VIL1: variants seen among roughly 807,000 people sequenced by gnomAD.
The protein encoded by VIL1 is villin-1.
VIL1 carries 86 observed loss-of-function variants against 104.0 expected under a neutral mutation model. The observed-to-expected ratio is 0.83, with a 90% CI of 0.69 to 0.99. VIL1 has a LOEUF of 0.99. Among genes scored for constraint, VIL1 ranks in the 50% least tolerant of loss-of-function variants. The probability of loss-of-function intolerance (pLI) is 0.00; values close to 1 mark genes in which losing one functional copy is unlikely to be tolerated. For synonymous variants in VIL1, 394 were observed against 412.6 expected, an observed-to-expected ratio of 0.95 and a Z score of 0.55; for missense variants, 944 against 1,054.1, an observed-to-expected ratio of 0.90 and a Z score of 1.45.
rs1344123769 is a variant in VIL1 at position 218,451,071 on chromosome 2, TA to T, written c.*1736del. 2 of 152,192 alleles carry T rather than the reference TA, an allele frequency of 1.3e-5. No homozygotes were observed. The highest frequency in any genetic ancestry group is 2.4e-5 in the African/African-American group (1 of 41,442). The allele number at this position is 152,192 out of a possible 1,614,324, so 9.4% of individuals were successfully genotyped here. The stretch of plus-strand genomic sequence containing the variant: ...TTAGAATTTTCCAATAAAAAATATA[TA>T]TTTTTTCAGATGTTAATAAGACATA... On this transcript the variant is annotated 3_prime_UTR_variant, in exon 20 of 20. Coordinates refer to ENST00000248444, the MANE Select transcript of VIL1 (RefSeq NM_007127.3).
chr2:218,420,579 T>C (rs79648183), intron 1 of VIL1, among the ~76,000 whole-genome samples: 179 of 1,602 alleles, frequency 0.11, 1 homozygote, highest in Non-Finnish European at 0.33. Context: ...TGAGTATTTG[T>C]TTTTTTTTTT....
chr2:218,435,247 T>C (rs1689168418), intron 14 of VIL1, 42 bp from the exon 15 acceptor site: 2 of 1,599,432 alleles, frequency 1.3e-6, no homozygotes, highest in Admixed American at 1.7e-5. Context: ...AGGGTGGAGG[T>C]AGGGGTGGCA....
rs776267848 is a variant in VIL1 at position 218,423,807 on chromosome 2, G to T, written c.29G>T (p.Gly10Val). Residue 10 changes from glycine (G) to valine (V), a missense_variant, in exon 2 of 20, where the codon GGC (glycine) becomes GTC (valine). Gly to Val is a moderately radical substitution (Grantham distance 109). Transcript: ENST00000248444. ...ACCAAGCTGAGCGCCCAAGTCAAAG[G>T]CTCTCTCAACATCACCACCCCGGGG... is the stretch of plus-strand genomic sequence containing the variant. MTKLSAQVK[G>V]SLNITTPGLQ... The T allele has an allele frequency of 1.9e-5, 30 of 1,613,990 alleles. No homozygotes were observed. The highest frequency in any genetic ancestry group is 1.8e-4 in the East Asian group (8 of 44,878).
rs1029171171 is a variant in VIL1, at chr2:218,436,684, A to G, written c.1971+58A>G. ...AGCCACCTCAATCCCCAGGGCCAAG[A>G]AAGAGTGGCTTTAAGGTTAGGTAAG... is the stretch of plus-strand genomic sequence containing the variant. On this transcript the variant is annotated intron_variant, in intron 16 of 19. Transcript: ENST00000248444. 4 of 1,577,352 alleles carry G rather than the reference A, an allele frequency of 2.5e-6. No homozygotes were observed. In the Admixed American group the frequency reaches 5.7e-5, roughly 22 times the overall value.
chr2:218,430,518 G>A (rs1020813976), intron 9 of VIL1, among the ~76,000 whole-genome samples: 15 of 152,088 alleles, frequency 9.9e-5, no homozygotes, highest in Non-Finnish European at 2.1e-4. Context: ...CCAGTGTTAG[G>A]TTTCAGGCGG....
chr2:218,435,162 T>A, intron 14 of VIL1, 127 bp from the exon 15 acceptor site: 3 of 1,248,518 alleles, frequency 2.4e-6, no homozygotes, highest in Non-Finnish European at 3.4e-6. Context: ...TGTCCCTGTG[T>A]GGCCTGTATA....
In VIL1 at chr2:218,432,102, C is replaced by A. The variant is rs1181270764; in HGVS notation, c.1260C>A (p.His420Gln). The A allele has an allele frequency of 2.5e-6, 4 of 1,614,022 alleles. No individual in the cohort carries two copies. The highest frequency in any genetic ancestry group is 2.5e-6 in the Non-Finnish European group (3 of 1,180,018). The change falls in exon 12 of 20, where the codon CAC (histidine) becomes CAA (glutamine). Residue 420 changes from histidine to glutamine, a missense_variant. His to Gln is a conservative substitution (Grantham distance 24). Transcript: ENST00000248444. ...CTGTGGATTCCAAGTGGCTAGGCCA[C>A]TTCTATGGGGGCGACTGCTACCTGC... ...LVPVDSKWLGHFYGGDCYLLL... is the reference protein window; with the variant it reads ...LVPVDSKWLGQFYGGDCYLLL...
intron 3 of VIL1, among the ~76,000 whole-genome samples, chr2:218,424,676 G>A (rs944759263): frequency 2.6e-5 from 4 of 151,750 alleles, no homozygotes; most frequent in African/African-American, 7.3e-5. Context: ...ATTTTTTTCC[G>A]GATGGAGTCT....
chr2:218,453,274 T>C lies in VIL1; in HGVS notation c.*3938T>C, dbSNP rs1559154783. On this transcript the variant is annotated 3_prime_UTR_variant, in exon 20 of 20. Coordinates refer to ENST00000248444, the MANE Select transcript of VIL1 (RefSeq NM_007127.3). ...TTTTTTTTGTTTTTGTTTTCGTTTT[T>C]TTTAATGAGATGGAGTCTCACTCTG... is the stretch of plus-strand genomic sequence containing the variant. The C allele has an allele frequency of 6.6e-6, 1 of 152,006 alleles. No homozygotes were observed. The highest frequency in any genetic ancestry group is 6.6e-5 in the Admixed American group (1 of 15,248). 9.4% of individuals were successfully genotyped at this position (152,006 alleles called of 1,614,324 possible).
At chr2:218,439,766 G>A (rs1689256054) in intron 18 of VIL1, among the ~76,000 whole-genome samples, 1 of 126,816 alleles carries the variant, frequency 7.9e-6, no homozygotes, top group Non-Finnish European at 1.5e-5. Context: ...GCAGTTAGCT[G>A]AAATTGTGCC....
At chr2:218,432,677 G>A (rs1383480416) in intron 12 of VIL1, 116 bp from the exon 13 acceptor site, 7 of 1,357,802 alleles carry the variant, frequency 5.2e-6, no homozygotes, top group Non-Finnish European at 7.1e-6. Flanking sequence ...TGGTGGGGAA[G>A]ACAATTGGGT....
In VIL1 at chr2:218,436,579, G is replaced by C; in HGVS notation, c.1924G>C (p.Asp642His). 6.2e-7 allele frequency: 1 copy of C among 1,614,068 alleles called. No homozygotes were observed. Among genetic ancestry groups the C allele is most frequent in the South Asian group, 1.1e-5 (1 of 91,068 alleles). Reference sequence around the variant, plus strand: ...CACAGAGATCCCTGACTTCAATCAGGATGACTTGGAAGAGGATGATGTGTT... The same window carrying C: ...CACAGAGATCCCTGACTTCAATCAGCATGACTTGGAAGAGGATGATGTGTT... ...LATEIPDFNQ[D>H]DLEEDDVFLL... Residue 642 changes from aspartate (D) to histidine (H), a missense_variant, in exon 16 of 20, where the codon GAT (aspartate) becomes CAT (histidine). Physicochemically the swap from Asp to His is moderately conservative, Grantham distance 81. Transcript: ENST00000248444.
Position 218,429,572 on chromosome 2 carries a change from T to C in VIL1, c.771-25T>C, listed in dbSNP as rs1284857352. ...CTGAGGGACTTGGGCCCCCTCCCCA[T>C]CTATGCCTTGCTTCTGTCCTGCAGT... On this transcript the variant is annotated intron_variant, in intron 7 of 19. Transcript: ENST00000248444. The C allele has an allele frequency of 3.7e-6, 6 of 1,613,962 alleles. No individual in the cohort carries two copies. In the East Asian group the frequency reaches 8.9e-5, roughly 24 times the overall value.
At chr2:218,439,418 ATGGACTACACTT>A (rs1444394821) in intron 18 of VIL1, among the ~76,000 whole-genome samples, 2 of 152,198 alleles carry the variant, frequency 1.3e-5, no homozygotes, top group Non-Finnish European at 2.9e-5. Context: ...TAGTTAGTCC[ATGGACTACACTT>A]TGAGAAATAA....
intron 9 of VIL1, 47 bp downstream of exon 9, chr2:218,429,994 G>A (rs1342779836): frequency 1.9e-6 from 3 of 1,542,122 alleles, no homozygotes; most frequent in Admixed American, 3.5e-5. Context: ...CAGAGTGATG[G>A]GAGGGAGAGA....
In VIL1 at chr2:218,425,465, T is replaced by C; in HGVS notation, c.151-150T>C. 3 of 674,520 alleles carry C rather than the reference T, an allele frequency of 4.4e-6. No individual in the cohort carries two copies. In the South Asian group the frequency reaches 5.7e-5, roughly 13 times the overall value. The allele number at this position is 674,520 out of a possible 1,614,324, so 41.8% of individuals were successfully genotyped here. A position where few individuals can be genotyped will look rare whatever the true frequency, so the allele number is the denominator to read the frequency against. On this transcript the variant is annotated intron_variant, in intron 3 of 19. Coordinates refer to ENST00000248444, the MANE Select transcript of VIL1 (RefSeq NM_007127.3). The stretch of plus-strand genomic sequence containing the variant: ...GAGAGTCAATGGTAGAGCTGGGCCA[T>C]GACTCAGGGCTCCTAACCGCCAGCC...
chr2:218,423,081 C>T (rs1254243873), intron 1 of VIL1, among the ~76,000 whole-genome samples: 4 of 152,098 alleles, frequency 2.6e-5, no homozygotes, highest in South Asian at 4.1e-4. Flanking sequence ...GCAGCAGGAG[C>T]GAATACAGCT....
At position 218,434,546 on chromosome 2, in the gene VIL1, C is replaced by T; in HGVS notation, c.1521C>T (p.Asn507=). 6.2e-7 allele frequency: 1 copy of T among 1,612,642 alleles called. No individual in the cohort carries two copies. Among genetic ancestry groups the T allele is most frequent in the African/African-American group, 1.3e-5 (1 of 74,996 alleles). The part of the protein sequence containing the change: ...VVYQGGTSRT[N]NLETGPSTRL... ...TGCAGGGAGGCACCTCCCGAACTAA[C>T]AACTTGGAGACCGGGCCCTCCACAC... Residue 507 remains asparagine, a synonymous_variant, in exon 14 of 20, where the codon AAC becomes AAT. Coordinates refer to ENST00000248444, the MANE Select transcript of VIL1 (RefSeq NM_007127.3).
chr2:218,419,943 CG>C (rs1688871222), intron 1 of VIL1, among the ~76,000 whole-genome samples: 1 of 152,134 alleles, frequency 6.6e-6, no homozygotes, highest in Admixed American at 6.5e-5. Context: ...AGGGTCTTGG[CG>C]GGTGTCCATT....
Sources: gnomAD v4.1 joint callset for allele counts (sites outside exome capture counted in the v4.1 genomes callset) on GRCh38, gnomAD v4.1.1 for gene constraint, MANE v1.5 for transcripts, NCBI Gene and HGNC (gene_info 2026-07-23, HGNC 2026-07-21) for gene names.